Variants in MTMR9 observed in about 807,000 individuals in gnomAD.
MTMR9 encodes the protein myotubularin related protein 9, also known as myotubularin-related protein 9.
Under a neutral mutation model 69.5 loss-of-function variants are expected in MTMR9, and 39 were observed. The ratio of observed to expected loss-of-function variants is 0.56; its 90% CI spans 0.43 to 0.73. MTMR9 has a LOEUF of 0.73. Among genes scored for constraint, MTMR9 ranks in the 30% least tolerant of loss-of-function variants. MTMR9 has a pLI of 0.00. For synonymous variants in MTMR9, 354 were observed against 240.8 expected (o/e 1.47, Z -4.35); for missense variants, 900 against 671.2 (o/e 1.34, Z -3.77).
chr8:11,298,721 C>CGA (rs1554501122), intron 2 of MTMR9: 7 of 336,894 alleles, frequency 2.1e-5, no homozygotes, highest in Non-Finnish European at 2.4e-5. Context: ...CCCCGCTGCA[C>CGA]CCCCCCCCCG....
At chr8:11,312,113 C>T (rs183594758) in intron 6 of MTMR9, among the ~76,000 whole-genome samples, 435 of 151,804 alleles carry the variant, frequency 2.9e-3, no homozygotes, top group African/African-American at 0.01. Flanking sequence ...GGCAGGATCA[C>T]GGCGCACCGC....
intron 9 of MTMR9, among the ~76,000 whole-genome samples, chr8:11,321,949 G>T (rs3808502): frequency 0.48 from 72,481 of 152,010 alleles, 18,233 homozygotes; most frequent in East Asian, 0.86. Context: ...CGTGCCTCCT[G>T]ACTTGAGTAA....
chr8:11,331,531 C>T (rs778592063), downstream of MTMR9: 49 of 1,613,732 alleles, frequency 3.0e-5, no homozygotes, highest in Non-Finnish European at 3.8e-5. Context: ...ACCGTATGCT[C>T]CGCTGTCCTC....
rs908177634 is a variant in MTMR9 at position 11,325,358 on chromosome 8, A to T, written c.*2570A>T. On this transcript the variant is annotated 3_prime_UTR_variant, in exon 10 of 10. Transcript: ENST00000221086. ...ATGACACGGATACACTCCTGAGAAG[A>T]CACTCGTTAAACATTGCATCGGAGA... is the stretch of plus-strand genomic sequence containing the variant. 6.6e-6 allele frequency: 1 copy of T among 152,208 alleles called. No individual in the cohort carries two copies. Among genetic ancestry groups the T allele is most frequent in the African/African-American group, 2.4e-5 (1 of 41,454 alleles). 9.4% of individuals were successfully genotyped at this position (152,208 alleles called of 1,614,324 possible). A position where few individuals can be genotyped will look rare whatever the true frequency, so the allele number is the denominator to read the frequency against.
chr8:11,323,847 A>T lies in MTMR9; in HGVS notation c.*1059A>T, dbSNP rs1190450262. On this transcript the variant is annotated 3_prime_UTR_variant, in exon 10 of 10. Coordinates refer to ENST00000221086, the MANE Select transcript of MTMR9 (RefSeq NM_015458.4). ...TGATTTGTCCATTATGTGTTAGGCA[A>T]ATATAACTTAAGTGGAGGGGGAAGT... 1 of 152,214 alleles carries T rather than the reference A, an allele frequency of 6.6e-6. No homozygotes were observed. Among genetic ancestry groups the T allele is most frequent in the Non-Finnish European group, 1.5e-5 (1 of 68,036 alleles). 9.4% of individuals were successfully genotyped at this position (152,214 alleles called of 1,614,324 possible).
At chr8:11,331,432 T>C, downstream of MTMR9, 1 of 1,614,036 alleles carries the variant, frequency 6.2e-7, no homozygotes, top group South Asian at 1.1e-5. Context: ...TTCTGTGCCC[T>C]GCTCAACGTC....
downstream of MTMR9, chr8:11,331,230 G>A: frequency 6.2e-7 from 1 of 1,613,980 alleles, no homozygotes; most frequent in Non-Finnish European, 8.5e-7. Flanking sequence ...TGGCCTGCTG[G>A]TGGCCCTGCT....
chr8:11,328,882 GA>G (rs1801066971), downstream of MTMR9, among the ~76,000 whole-genome samples: 1 of 152,168 alleles, frequency 6.6e-6, no homozygotes, highest in African/African-American at 2.4e-5. Context: ...CTGTTGGAGG[GA>G]AAAAGCAGTC....
chr8:11,306,752 A>C (rs1799954749), intron 5 of MTMR9, among the ~76,000 whole-genome samples: 1 of 152,196 alleles, frequency 6.6e-6, no homozygotes, highest in Non-Finnish European at 1.5e-5. Context: ...ACAATATATT[A>C]GTTTTAACTA....
downstream of MTMR9, chr8:11,331,761 C>T (rs1463459405): frequency 6.2e-7 from 1 of 1,611,970 alleles, no homozygotes; most frequent in East Asian, 2.2e-5. Flanking sequence ...TCCCTCCTGC[C>T]TCCCAACAGT....
intron 6 of MTMR9, among the ~76,000 whole-genome samples, chr8:11,310,207 GTA>G (rs1253187894): frequency 1.3e-5 from 2 of 152,200 alleles, no homozygotes; most frequent in African/African-American, 4.8e-5. Context: ...GTGATGTTGA[GTA>G]TATGAAGTGA....
intron 3 of MTMR9, among the ~76,000 whole-genome samples, chr8:11,304,453 A>G (rs1052104518): frequency 4.6e-5 from 7 of 152,330 alleles, no homozygotes; most frequent in South Asian, 2.1e-4. Context: ...TGCTTAATAT[A>G]TTTAACTTGG....
intron 2 of MTMR9, chr8:11,298,938 C>T (rs1301562412): frequency 1.1e-6 from 1 of 904,408 alleles, no homozygotes. Flanking sequence ...ATCCCTGCAG[C>T]ATGAAAATAT....
intron 9 of MTMR9, chr8:11,321,511 A>T (rs1434338872): frequency 4.4e-6 from 2 of 456,636 alleles, no homozygotes; most frequent in Non-Finnish European, 4.4e-6. Flanking sequence ...TGGAGCTTAG[A>T]GATAAGTGAT....
At chr8:11,295,131 A>AC in intron 1 of MTMR9, 63 bp from the exon 2 acceptor site, 1 of 849,146 alleles carries the variant, frequency 1.2e-6, no homozygotes. Context: ...TTTCAAAGAA[A>AC]TAATAATATA....
chr8:11,332,038 T>C (rs551098897), downstream of MTMR9: 3 of 1,611,834 alleles, frequency 1.9e-6, no homozygotes, highest in East Asian at 6.7e-5. Context: ...TCTGACATCA[T>C]GGGGGCAGGG....
chr8:11,297,802 G>A, intron 2 of MTMR9: 1 of 451,702 alleles, frequency 2.2e-6, no homozygotes, highest in Non-Finnish European at 4.5e-6. Flanking sequence ...CGTAAATTAT[G>A]AGCTCATTTG....
chr8:11,310,614 G>T (rs1011193687), intron 6 of MTMR9, among the ~76,000 whole-genome samples: 1 of 152,112 alleles, frequency 6.6e-6, no homozygotes, highest in Non-Finnish European at 1.5e-5. Context: ...GTTAGGTGAA[G>T]CCCATTTACC....
In MTMR9 at chr8:11,311,927, C is replaced by T. The variant is rs908580964; in HGVS notation, c.971+2239C>T. Among the ~76,000 whole-genome samples the T allele has an allele frequency of 3.4e-4, 52 of 151,188 alleles. 2 individuals carry two copies. Among genetic ancestry groups the T allele is most frequent in the Admixed American group, 1.9e-3 (29 of 15,194 alleles). On this transcript the variant is annotated intron_variant, in intron 6 of 9. Coordinates refer to ENST00000221086, the MANE Select transcript of MTMR9 (RefSeq NM_015458.4). ...TTCAACAATATTCACAGCATCTTCA[C>T]CAGGAGTAGATTCTATCTCAGGATA...
Sources: allele counts gnomAD v4.1 joint callset (sites outside exome capture counted in the v4.1 genomes callset), GRCh38; gene constraint gnomAD v4.1.1; transcripts MANE v1.5; gene names NCBI Gene and HGNC (gene_info 2026-07-23, HGNC 2026-07-21).